The following MYADML2 variants were observed in gnomAD, a reference collection of about 807,000 sequenced individuals.
MYADML2 encodes the protein myeloid associated differentiation marker like 2.
A neutral mutation model predicts 16.0 loss-of-function variants in MYADML2; 17 were observed. The observed-to-expected ratio is 1.06, with a 90% CI of 0.73 to 1.60. The LOEUF (loss-of-function observed/expected upper bound fraction) is 1.60, where lower values mean the gene tolerates loss of function less well. MYADML2 is among the 40% of genes most tolerant of loss of function. The pLI is 0.00. For missense variants in MYADML2, 422 were observed against 437.7 expected (o/e 0.96, Z 0.32); for synonymous variants, 210 against 208.1 (o/e 1.01, Z -0.08).
Position 81,941,157 on chromosome 17 carries a change from C to A in MYADML2, c.585G>T (p.Gln195His), listed in dbSNP as rs1234127777. ...DSRYGRYVATQWCVAVYSLCF... is the reference protein window; with the variant it reads ...DSRYGRYVATHWCVAVYSLCF... ...ACAGGCTGTAGACGGCCACGCACCA[C>A]TGGGTGGCCACGTAGCGCCCGTAGC... The change falls in exon 3 of 3, where the codon CAG (glutamine) becomes CAT (histidine). Residue 195 changes from glutamine (Q) to histidine (H), a missense_variant. Physicochemically the swap from Gln to His is conservative, Grantham distance 24. Transcript: ENST00000409745. The A allele has an allele frequency of 1.3e-6, 2 of 1,550,122 alleles. No individual in the cohort carries two copies. Among genetic ancestry groups the A allele is most frequent in the African/African-American group, 2.7e-5 (2 of 73,056 alleles).
chr17:81,944,256 C>T (rs1240263299), intron 1 of MYADML2, among the ~76,000 whole-genome samples: 1 of 151,358 alleles, frequency 6.6e-6, no homozygotes, highest in Non-Finnish European at 1.5e-5. Flanking sequence ...AATACAAAAA[C>T]AAAATTAGCT....
At chr17:81,943,438 C>T (rs1451931991) in intron 1 of MYADML2, among the ~76,000 whole-genome samples, 3 of 137,550 alleles carry the variant, frequency 2.2e-5, no homozygotes, top group Non-Finnish European at 3.1e-5. Flanking sequence ...GAGTCTCGCT[C>T]TGTTGCCCAG....
In MYADML2 at chr17:81,940,886, C is replaced by T. The variant is rs769360066; in HGVS notation, c.856G>A (p.Val286Ile). The T allele has an allele frequency of 2.3e-5, 35 of 1,546,240 alleles. No homozygotes were observed. The South Asian group carries it at 2.9e-4, about 13-fold the overall frequency. ...SQLVVAIFTYVNLLLYVVDLA... is the reference protein window; with the variant it reads ...SQLVVAIFTYINLLLYVVDLA... ...TCAACGACGTACAGGAGCAGGTTGA[C>T]GTAGGTGAAGATGGCCACCACCAGC... is the stretch of plus-strand genomic sequence containing the variant. Residue 286 changes from valine (V) to isoleucine (I), a missense_variant, in exon 3 of 3, where the codon GTC becomes ATC. Physicochemically the swap from Val to Ile is conservative, Grantham distance 29. Coordinates refer to ENST00000409745, the MANE Select transcript of MYADML2 (RefSeq NM_001145113.3).
chr17:81,944,088 G>A (rs1317101486), intron 1 of MYADML2, among the ~76,000 whole-genome samples: 2 of 149,852 alleles, frequency 1.3e-5, no homozygotes, highest in Non-Finnish European at 3.0e-5. Flanking sequence ...CTCCAGCCTG[G>A]GTGACAGAGC....
intron 1 of MYADML2, among the ~76,000 whole-genome samples, chr17:81,944,366 A>T (rs555382384): frequency 4.0e-4 from 60 of 150,168 alleles, no homozygotes; most frequent in African/African-American, 1.4e-3. Context: ...CAGTGAGCTG[A>T]GATCGCAACA....
In MYADML2 at chr17:81,941,844, C is replaced by G. The variant is rs762958842; in HGVS notation, c.-102-1G>C. On this transcript the variant is annotated splice_acceptor_variant, in intron 2 of 2. Transcript: ENST00000409745. LOFTEE classifies it low-confidence loss of function (5UTR_SPLICE). ...TGCGGTAGTGGCAGGTGCCTGCAGC[C>G]TGCAGAGGCAGTGACGACGGTGACA... The G allele has an allele frequency of 8.5e-7, 1 of 1,179,222 alleles. No homozygotes were observed. The highest frequency in any genetic ancestry group is 1.2e-6 in the Non-Finnish European group (1 of 857,422). The allele number at this position is 1,179,222 out of a possible 1,614,324, so 73.0% of individuals were successfully genotyped here. A position where few individuals can be genotyped will look rare whatever the true frequency, so the allele number is the denominator to read the frequency against.
chr17:81,940,603 T>C lies in MYADML2; in HGVS notation c.*215A>G, dbSNP rs1567932036. The C allele has an allele frequency of 1.3e-5, 7 of 550,638 alleles. No individual in the cohort carries two copies. The South Asian group carries it at 1.7e-4, about 14-fold the overall frequency. 34.1% of individuals were successfully genotyped at this position (550,638 alleles called of 1,614,324 possible). A position where few individuals can be genotyped will look rare whatever the true frequency, so the allele number is the denominator to read the frequency against. On this transcript the variant is annotated 3_prime_UTR_variant, in exon 3 of 3. Coordinates refer to ENST00000409745, the MANE Select transcript of MYADML2 (RefSeq NM_001145113.3). The stretch of plus-strand genomic sequence containing the variant: ...GATTGGCCTAGGTGAGGCTCTCCCC[T>C]GCGTCTGCTCAGGGCCTCTGCCCTA...
In MYADML2 at chr17:81,940,855, G is replaced by A. The variant is rs1379108188; in HGVS notation, c.887C>T (p.Ala296Val). The A allele has an allele frequency of 6.6e-7, 1 of 1,526,386 alleles. No homozygotes were observed. 94.6% of individuals were successfully genotyped at this position (1,526,386 alleles called of 1,614,324 possible). Residue 296 changes from alanine to valine, a missense_variant, in exon 3 of 3, where the codon GCC (alanine) becomes GTC (valine). Coordinates refer to ENST00000409745, the MANE Select transcript of MYADML2 (RefSeq NM_001145113.3). Reference protein sequence around the residue: ...VNLLLYVVDLAYSQRIRFVPS... With the variant: ...VNLLLYVVDLVYSQRIRFVPS... ...CACGAAGCGAATCCTCTGGGAGTAG[G>A]CGAGGTCAACGACGTACAGGAGCAG... is the stretch of plus-strand genomic sequence containing the variant.
In MYADML2 at chr17:81,947,151, G is replaced by A. The variant is rs1273643525; in HGVS notation, c.-273C>T. 1 of 152,238 alleles carries A rather than the reference G, an allele frequency of 6.6e-6. No individual in the cohort carries two copies. Among genetic ancestry groups the A allele is most frequent in the Non-Finnish European group, 1.5e-5 (1 of 68,036 alleles). 9.4% of individuals were successfully genotyped at this position (152,238 alleles called of 1,614,324 possible). A position where few individuals can be genotyped will look rare whatever the true frequency, so the allele number is the denominator to read the frequency against. The stretch of plus-strand genomic sequence containing the variant: ...ATTTTGTATCAGGGACTCTGGCCTT[G>A]TGGATTCTGGTGTTTTGGAGGTACT... On this transcript the variant is annotated 5_prime_UTR_variant, in exon 1 of 3. Coordinates refer to ENST00000409745, the MANE Select transcript of MYADML2 (RefSeq NM_001145113.3).
chr17:81,945,350 T>A (rs538462665), intron 1 of MYADML2, among the ~76,000 whole-genome samples: 1 of 151,840 alleles, frequency 6.6e-6, no homozygotes, highest in Non-Finnish European at 1.5e-5. Context: ...CCATCCTGGC[T>A]AACACAGTGA....
chr17:81,944,701 T>C (rs2041330537), intron 1 of MYADML2, among the ~76,000 whole-genome samples: 1 of 152,116 alleles, frequency 6.6e-6, no homozygotes, highest in South Asian at 2.1e-4. Flanking sequence ...TGGCAGCTAC[T>C]ATGTGATCAG....
Position 81,941,628 on chromosome 17 carries a change from G to T in MYADML2, c.114C>A (p.Ser38Arg). ...CAAAGCCACCCCGGTGGGCCACCAG[G>T]CTGAAGGTAGTGCAGCCAAAGGCCA... ...LQLAFGCTTF[S>R]LVAHRGGFAG... is the part of the protein sequence containing the mutation. The change falls in exon 3 of 3, where the codon AGC (serine) becomes AGA (arginine). Residue 38 changes from serine to arginine, a missense_variant. Physicochemically the swap from Ser to Arg is moderately radical, Grantham distance 110. Coordinates refer to ENST00000409745, the MANE Select transcript of MYADML2 (RefSeq NM_001145113.3). 1 of 1,549,288 alleles carries T rather than the reference G, an allele frequency of 6.5e-7. No homozygotes were observed.
In MYADML2 at chr17:81,941,837, C is replaced by T. The variant is rs999768753; in HGVS notation, c.-96G>A. ...AGTCCTCTGCGGTAGTGGCAGGTGC[C>T]TGCAGCCTGCAGAGGCAGTGACGAC... On this transcript the variant is annotated 5_prime_UTR_variant, in exon 3 of 3. Transcript: ENST00000409745. 4.8e-5 allele frequency: 58 copies of T among 1,220,394 alleles called. No homozygotes were observed. In the African/African-American group the frequency reaches 8.3e-4, roughly 17 times the overall value. 75.6% of individuals were successfully genotyped at this position (1,220,394 alleles called of 1,614,324 possible).
rs574354555 is a variant in MYADML2 at position 81,942,052 on chromosome 17, C to T, written c.-102-209G>A. 1.5e-4 allele frequency: 45 copies of T among 306,246 alleles called. No individual in the cohort carries two copies. Among genetic ancestry groups the T allele is most frequent in the African/African-American group, 9.6e-4 (45 of 46,732 alleles). 19.0% of individuals were successfully genotyped at this position (306,246 alleles called of 1,614,324 possible). On this transcript the variant is annotated intron_variant, in intron 2 of 2. Transcript: ENST00000409745. The surrounding 1 kb of genome is among the most constrained non-coding windows in gnomAD (Gnocchi z 4.4). ...ACCATTAACCCATTGGCTGCTGGCA[C>T]CACCCCCACCTCCGCCTCCCGCGCA...
rs2041300509 is a variant in MYADML2 at position 81,941,258 on chromosome 17, TG to T, written c.483del (p.Thr162ArgfsTer53). Reference protein sequence around the residue: ...ARPGQVSSYMATVSGLLKIVQ... With the variant: ...ARPGQVSSYMXTVSGLLKIVQ... Reference sequence around the variant, plus strand: ...ACGATCTTGAGGAGCCCCGACACCGTGGCCATATAGCTGCTCACCTGGCCGG... The same window carrying T: ...ACGATCTTGAGGAGCCCCGACACCGTGCCATATAGCTGCTCACCTGGCCGG... On this transcript the variant is annotated frameshift_variant, in exon 3 of 3. Transcript: ENST00000409745. LOFTEE classifies it high-confidence loss of function. 1 of 1,549,958 alleles carries T rather than the reference TG, an allele frequency of 6.5e-7. No individual in the cohort carries two copies. The highest frequency in any genetic ancestry group is 8.7e-7 in the Non-Finnish European group (1 of 1,146,896).
rs2041352833 is a variant in MYADML2, at chr17:81,947,108, A to G, written c.-230T>C. The G allele has an allele frequency of 6.6e-6, 1 of 152,234 alleles. No individual in the cohort carries two copies. Among genetic ancestry groups the G allele is most frequent in the Admixed American group, 6.5e-5 (1 of 15,270 alleles). 9.4% of individuals were successfully genotyped at this position (152,234 alleles called of 1,614,324 possible). A position where few individuals can be genotyped will look rare whatever the true frequency, so the allele number is the denominator to read the frequency against. On this transcript the variant is annotated 5_prime_UTR_variant, in exon 1 of 3. Coordinates refer to ENST00000409745, the MANE Select transcript of MYADML2 (RefSeq NM_001145113.3). ...TGATTTAAGTCCAGAGGAGGGGGTT[A>G]TATGCAAATAACATGCCATTTTGTA...
chr17:81,939,933 A>G lies in MYADML2; in HGVS notation c.*885T>C, dbSNP rs535007127. 1.5e-4 allele frequency: 23 copies of G among 152,424 alleles called. No individual in the cohort carries two copies. The highest frequency in any genetic ancestry group is 4.3e-4 in the African/African-American group (18 of 41,574). The allele number at this position is 152,424 out of a possible 1,614,324, so 9.4% of individuals were successfully genotyped here. A position where few individuals can be genotyped will look rare whatever the true frequency, so the allele number is the denominator to read the frequency against. ...CTCAGCCGGGCTCCCTCCCAGTGCCACAGATGCCCACAGTGCACAGATGCC... is the reference window on the plus strand; with the variant it reads ...CTCAGCCGGGCTCCCTCCCAGTGCCGCAGATGCCCACAGTGCACAGATGCC... On this transcript the variant is annotated 3_prime_UTR_variant, in exon 3 of 3. Transcript: ENST00000409745.
Position 81,940,373 on chromosome 17 carries a change from CT to C in MYADML2, c.*444del, listed in dbSNP as rs1250797916. 1.9e-5 allele frequency: 3 copies of C among 160,264 alleles called. No homozygotes were observed. Among genetic ancestry groups the C allele is most frequent in the Non-Finnish European group, 4.1e-5 (3 of 72,700 alleles). 9.9% of individuals were successfully genotyped at this position (160,264 alleles called of 1,614,324 possible). A position where few individuals can be genotyped will look rare whatever the true frequency, so the allele number is the denominator to read the frequency against. On this transcript the variant is annotated 3_prime_UTR_variant, in exon 3 of 3. Transcript: ENST00000409745. ...TTCGTCTCCTCTGGAAGTCATTCCT[CT>C]TTCAGCTTGCCTTACCCAGCCTGAC...
intron 1 of MYADML2, among the ~76,000 whole-genome samples, chr17:81,943,260 G>A (rs952625583): frequency 8.0e-5 from 12 of 150,724 alleles, no homozygotes; most frequent in East Asian, 2.0e-4. Context: ...TAGTAGAAAC[G>A]GAGTTTTACC....
Sources: allele counts gnomAD v4.1 joint callset (sites outside exome capture counted in the v4.1 genomes callset), GRCh38; gene constraint gnomAD v4.1.1; non-coding constraint Gnocchi (gnomAD v3.1); transcripts MANE v1.5; gene names NCBI Gene and HGNC (gene_info 2026-07-23, HGNC 2026-07-21).